Variants in LCOR observed in about 807,000 individuals in gnomAD.
LCOR encodes ligand dependent nuclear receptor corepressor, also known as ligand-dependent corepressor.
Under a neutral mutation model 64.4 loss-of-function variants are expected in LCOR, and 14 were observed. The ratio of observed to expected loss-of-function variants is 0.22; its 90% confidence interval spans 0.14 to 0.34. The LOEUF is 0.34. Ranked by LOEUF, LCOR falls within the 10% of genes least tolerant of loss-of-function variation. The probability of loss-of-function intolerance (pLI) is 1.00; values close to 1 mark genes in which losing one functional copy is unlikely to be tolerated. For synonymous variants in LCOR, 643 were observed against 642.5 expected (o/e 1.00, Z -0.01); for missense variants, 1,686 against 1,765.3 (o/e 0.96, Z 0.80).
chr10:96,937,646 T>A (rs1847374004), intron 4 of LCOR, among the ~76,000 whole-genome samples: 1 of 152,124 alleles, frequency 6.6e-6, no homozygotes, highest in South Asian at 2.1e-4. Flanking sequence ...GCCACCACAC[T>A]CTGCCTTCAC....
chr10:96,971,414 A>G (rs928436807), intron 7 of LCOR, among the ~76,000 whole-genome samples: 3 of 152,190 alleles, frequency 2.0e-5, no homozygotes, highest in East Asian at 3.9e-4. Context: ...TTGAGCCCCA[A>G]GCTTTAGGCA....
rs114110248 is a variant in LCOR at position 96,955,788 on chromosome 10, C to T, written c.332+3592C>T. 5.7e-4 allele frequency: 921 copies of T among 1,614,138 alleles called. 5 individuals carry two copies. The African/African-American group carries it at 0.011, about 19-fold the overall frequency. On this transcript the variant is annotated intron_variant, in intron 7 of 7. Coordinates refer to ENST00000421806, the MANE Select transcript of LCOR (RefSeq NM_001346516.2). Reference sequence around the variant, plus strand: ...ACTGGAGTACAAAGTAAAGGAGAGGCTGGGCACTTTGAAAAACCCTCCAAA... The same window carrying T: ...ACTGGAGTACAAAGTAAAGGAGAGGTTGGGCACTTTGAAAAACCCTCCAAA...
intron 2 of LCOR, among the ~76,000 whole-genome samples, chr10:96,900,762 A>G (rs1161363646): frequency 6.6e-6 from 1 of 152,038 alleles, no homozygotes. Context: ...TGGCTGTTCT[A>G]CTTCCCAAAT....
In LCOR at chr10:96,982,532, C is replaced by T. The variant is rs761556275; in HGVS notation, c.2072C>T (p.Ser691Phe). 1.9e-6 allele frequency: 3 copies of T among 1,614,198 alleles called. No individual in the cohort carries two copies. The highest frequency in any genetic ancestry group is 2.5e-6 in the Non-Finnish European group (3 of 1,180,040). ...GAAGATGTCATTTCTAGGCCTCATT[C>T]TCCTCCTGAAATAGTCAGTAGAGAA... ...VSEDVISRPH[S>F]PPEIVSREES... The change falls in exon 8 of 8, where the codon TCT becomes TTT. Residue 691 changes from serine to phenylalanine, a missense_variant. Around this residue, in one of 3 missense-constraint regions of LCOR, gnomAD observed 1,293 missense variants for 1,410.4 expected, o/e 0.92. Transcript: ENST00000421806.
At chr10:96,862,440 A>G (rs1266887053) in intron 2 of LCOR, among the ~76,000 whole-genome samples, 2 of 151,794 alleles carry the variant, frequency 1.3e-5, no homozygotes, top group Non-Finnish European at 1.5e-5. Context: ...CAATTTTTCT[A>G]TTTTTTGAAG....
At chr10:96,856,057 T>C (rs1208037194) in intron 2 of LCOR, among the ~76,000 whole-genome samples, 1 of 150,872 alleles carries the variant, frequency 6.6e-6, no homozygotes, top group Non-Finnish European at 1.5e-5. Context: ...TATTGCTGTT[T>C]TTATTTTATT....
chr10:96,938,986 A>T (rs1357453842), intron 4 of LCOR, among the ~76,000 whole-genome samples: 1 of 152,220 alleles, frequency 6.6e-6, no homozygotes, highest in African/African-American at 2.4e-5. Flanking sequence ...CAACTGACTT[A>T]TTTGCAGAGA....
chr10:96,974,564 A>G (rs1405352276), intron 7 of LCOR, among the ~76,000 whole-genome samples: 3 of 152,232 alleles, frequency 2.0e-5, no homozygotes. Context: ...GAACTAAAAC[A>G]GTGCTTCCTG....
intron 4 of LCOR, among the ~76,000 whole-genome samples, chr10:96,917,498 A>T (rs927054376): frequency 1.3e-5 from 2 of 152,244 alleles, no homozygotes; most frequent in African/African-American, 4.8e-5. Context: ...AGTAGCTAAT[A>T]CAAGAAAATA....
chr10:96,897,557 A>G (rs1331604819), intron 2 of LCOR, among the ~76,000 whole-genome samples: 2 of 152,258 alleles, frequency 1.3e-5, no homozygotes, highest in African/African-American at 4.8e-5. Context: ...TGATTTTGGT[A>G]ACTTATTTAA....
intron 4 of LCOR, among the ~76,000 whole-genome samples, chr10:96,920,444 G>A (rs61858087): frequency 4.2e-3 from 33 of 7,850 alleles, no homozygotes; most frequent in South Asian, 0.04. Context: ...GTATATATGT[G>A]TATATATATG....
At chr10:96,843,433 G>A (rs1197044369) in intron 2 of LCOR, among the ~76,000 whole-genome samples, 1 of 152,090 alleles carries the variant, frequency 6.6e-6, no homozygotes, top group Non-Finnish European at 1.5e-5. Flanking sequence ...TTGGCCCAAT[G>A]CAAGCGTATT....
At chr10:96,929,905 A>AC (rs1313439251) in intron 4 of LCOR, among the ~76,000 whole-genome samples, 3 of 152,204 alleles carry the variant, frequency 2.0e-5, no homozygotes, top group Non-Finnish European at 4.4e-5. Context: ...AGACAAGGGA[A>AC]CAGGTGTTCA....
chr10:96,964,053 T>C (rs1847921623), intron 7 of LCOR: 1 of 152,220 alleles, frequency 6.6e-6, no homozygotes, highest in Admixed American at 6.5e-5. Context: ...TACTGTGTGA[T>C]TTGAACTTTT....
intron 7 of LCOR, among the ~76,000 whole-genome samples, chr10:96,968,277 C>T (rs761754253): frequency 6.6e-5 from 10 of 152,064 alleles, no homozygotes; most frequent in Non-Finnish European, 1.3e-4. Context: ...AATGAGGTGC[C>T]CATAATACTC....
chr10:96,839,388 C>T (rs1170840981), intron 2 of LCOR, among the ~76,000 whole-genome samples: 5 of 152,048 alleles, frequency 3.3e-5, no homozygotes, highest in African/African-American at 9.7e-5. Context: ...GAATAAGGAG[C>T]GTAGTAATAG....
Position 96,984,743 on chromosome 10 carries a change from C to T in LCOR, c.4283C>T (p.Ala1428Val). The T allele has an allele frequency of 1.9e-6, 3 of 1,613,470 alleles. No individual in the cohort carries two copies. Among genetic ancestry groups the T allele is most frequent in the Non-Finnish European group, 2.5e-6 (3 of 1,179,850 alleles). Reference sequence around the variant, plus strand: ...AGCAAAGAAAAGCATGCTGATGGAGCCACCAAAACCCCTGCTGCCAAGAGG... The same window carrying T: ...AGCAAAGAAAAGCATGCTGATGGAGTCACCAAAACCCCTGCTGCCAAGAGG... ...KASKEKHADG[A>V]TKTPAAKRPA... The change falls in exon 8 of 8, where the codon GCC (alanine) becomes GTC (valine). Residue 1428 changes from alanine to valine, a missense_variant. By Grantham distance (64) the Ala-to-Val change is moderately conservative. Transcript: ENST00000421806.
intron 7 of LCOR, chr10:96,958,363 CA>C: frequency 6.5e-7 from 1 of 1,532,218 alleles, no homozygotes; most frequent in Non-Finnish European, 8.8e-7. Context: ...TTGTAGTGTA[CA>C]TGGAGTGATC....
At chr10:96,881,500 A>G (rs1271420816) in intron 2 of LCOR, among the ~76,000 whole-genome samples, 1 of 151,156 alleles carries the variant, frequency 6.6e-6, no homozygotes, top group Non-Finnish European at 1.5e-5. Flanking sequence ...CTTGTAGCCC[A>G]GGCTGGAGTG....
Sources: gnomAD v4.1 joint callset for allele counts (sites outside exome capture counted in the v4.1 genomes callset) on GRCh38, gnomAD v4.1.1 for gene constraint, gnomAD v4.1.1 regional missense constraint, MANE v1.5 for transcripts, NCBI Gene and HGNC (gene_info 2026-07-23, HGNC 2026-07-21) for gene names.